Variants in UBE2S observed in about 807,000 individuals in gnomAD.
UBE2S encodes ubiquitin conjugating enzyme E2 S.
UBE2S carries 3 observed loss-of-function variants against 12.3 expected under a neutral mutation model. The ratio of observed to expected loss-of-function variants is 0.24; its 90% CI spans 0.11 to 0.63. The LOEUF is 0.63. UBE2S is among the 30% of genes least tolerant of loss of function. The pLI is 0.85. For synonymous variants in UBE2S, 133 were observed against 142.0 expected, an observed-to-expected ratio of 0.94 and a Z score of 0.45; for missense variants, 211 against 313.9, an observed-to-expected ratio of 0.67 and a Z score of 2.48.
At position 55,407,696 on chromosome 19, in the gene UBE2S, C is replaced by T. The variant is rs1024860091; in HGVS notation, c.-107G>A. On this transcript the variant is annotated 5_prime_UTR_variant, in exon 1 of 4. Transcript: ENST00000264552. ...GCTGCCGCTGCGGCCCTGGAGAGGC[C>T]CCGGCGGCCCCGCTCCGCTCCCCGC... The T allele has an allele frequency of 1.1e-4, 98 of 883,024 alleles. No homozygotes were observed. Among genetic ancestry groups the T allele is most frequent in the Non-Finnish European group, 1.4e-4 (96 of 663,200 alleles). 54.7% of individuals were successfully genotyped at this position (883,024 alleles called of 1,614,324 possible).
At position 55,406,941 on chromosome 19, in the gene UBE2S, G is replaced by C. The variant is rs1452269907; in HGVS notation, c.25C>G (p.Pro9Ala). The change falls in exon 2 of 4, where the codon CCC becomes GCC. Residue 9 changes from proline (P) to alanine (A), a missense_variant. Physicochemically the swap from Pro to Ala is conservative, Grantham distance 27. This residue lies in a region of UBE2S where 127 missense variants were observed against 224.0 expected (regional missense o/e 0.57). Coordinates refer to ENST00000264552, the MANE Select transcript of UBE2S (RefSeq NM_014501.3). ...TACACCAGGCGGATGATGTGCGGGG[G>C]TAGGTTCTCCACGTTGGAGTTCTGG... MNSNVENLPPHIIRLVYKE... is the reference protein window; with the variant it reads MNSNVENLAPHIIRLVYKE... The C allele has an allele frequency of 2.5e-6, 4 of 1,613,748 alleles. No individual in the cohort carries two copies. The African/African-American group carries it at 4.0e-5, about 16-fold the overall frequency.
At position 55,401,511 on chromosome 19, in the gene UBE2S, C is replaced by T. The variant is rs779350948; in HGVS notation, c.594G>A (p.Lys198=). Residue 198 remains lysine (K), a synonymous_variant, in exon 4 of 4, where the codon AAG becomes AAA. Coordinates refer to ENST00000264552, the MANE Select transcript of UBE2S (RefSeq NM_014501.3). The stretch of plus-strand genomic sequence containing the variant: ...GCTTCTTATCGCGCTCGCCAGCATG[C>T]TTCTTGGCCATGGGACCCTCAGCCC... ...PGGAEGPMAK[K]HAGERDKKLA... 1.2e-6 allele frequency: 2 copies of T among 1,610,252 alleles called. No individual in the cohort carries two copies. Among genetic ancestry groups the T allele is most frequent in the East Asian group, 2.2e-5 (1 of 44,850 alleles).
Position 55,400,364 on chromosome 19 carries a change from A to G in UBE2S, c.*1072T>C, listed in dbSNP as rs977832680. On this transcript the variant is annotated 3_prime_UTR_variant, in exon 4 of 4. Transcript: ENST00000264552. Reference sequence around the variant, plus strand: ...AATGAGACATTGGTCTAAATAACCTAAACGCATTAATAGAATGGGAAGTTT... The same window carrying G: ...AATGAGACATTGGTCTAAATAACCTGAACGCATTAATAGAATGGGAAGTTT... 1.3e-5 allele frequency: 2 copies of G among 152,160 alleles called. No homozygotes were observed. Among genetic ancestry groups the G allele is most frequent in the Non-Finnish European group, 2.9e-5 (2 of 68,032 alleles). The allele number at this position is 152,160 out of a possible 1,614,324, so 9.4% of individuals were successfully genotyped here.
rs2090061952 is a variant in UBE2S at position 55,401,850 on chromosome 19, G to A, written c.343-88C>T. 4 of 1,402,248 alleles carry A rather than the reference G, an allele frequency of 2.9e-6. No homozygotes were observed. In the Admixed American group the frequency reaches 7.5e-5, roughly 26 times the overall value. The allele number at this position is 1,402,248 out of a possible 1,614,324, so 86.9% of individuals were successfully genotyped here. ...CAAGAGGGTGGCCTCCGCACTGGCT[G>A]TTCCTTCTGCTCCCAACTCAGCTGC... On this transcript the variant is annotated intron_variant, in intron 3 of 3. Transcript: ENST00000264552.
chr19:55,401,086 A>G lies in UBE2S; in HGVS notation c.*350T>C, dbSNP rs560899600. The G allele has an allele frequency of 3.4e-6, 1 of 296,004 alleles. No homozygotes were observed. Among genetic ancestry groups the G allele is most frequent in the South Asian group, 5.1e-5 (1 of 19,678 alleles). The allele number at this position is 296,004 out of a possible 1,614,324, so 18.3% of individuals were successfully genotyped here. ...TTAGATTGGAAATCTGACTCCAAAGAGGGGTTGTGACCGCTCTACCTCCAC... is the reference window on the plus strand; with the variant it reads ...TTAGATTGGAAATCTGACTCCAAAGGGGGGTTGTGACCGCTCTACCTCCAC... On this transcript the variant is annotated 3_prime_UTR_variant, in exon 4 of 4. Coordinates refer to ENST00000264552, the MANE Select transcript of UBE2S (RefSeq NM_014501.3).
In UBE2S at chr19:55,404,061, C is replaced by T. The variant is rs1362871206; in HGVS notation, c.342+227G>A. On this transcript the variant is annotated intron_variant, in intron 3 of 3. Coordinates refer to ENST00000264552, the MANE Select transcript of UBE2S (RefSeq NM_014501.3). The surrounding 1 kb of genome is among the most constrained non-coding windows in gnomAD (Gnocchi z 4.4). ...AAACCATCCTACAATACAAACTCACCACTCGTTGCATAGTAAGGTGCTCCT... is the reference window on the plus strand; with the variant it reads ...AAACCATCCTACAATACAAACTCACTACTCGTTGCATAGTAAGGTGCTCCT... 2 of 554,126 alleles carry T rather than the reference C, an allele frequency of 3.6e-6. No homozygotes were observed. The highest frequency in any genetic ancestry group is 2.1e-5 in the South Asian group (1 of 48,080). The allele number at this position is 554,126 out of a possible 1,614,324, so 34.3% of individuals were successfully genotyped here. A position where few individuals can be genotyped will look rare whatever the true frequency, so the allele number is the denominator to read the frequency against.
chr19:55,402,956 T>C (rs1276093258), intron 3 of UBE2S: 4 of 1,532,998 alleles, frequency 2.6e-6, no homozygotes, highest in Non-Finnish European at 3.5e-6. Flanking sequence ...GCGGGAAGGG[T>C]TGGGAGGCAG....
Position 55,404,499 on chromosome 19 carries a change from C to G in UBE2S, c.152-21G>C, listed in dbSNP as rs545447340. ...CCCCTCTGGAGTGGAGGGAGGGGTA[C>G]AGGGTCAGGGCACTCAGGAGTCCCA... On this transcript the variant is annotated intron_variant, in intron 2 of 3. Coordinates refer to ENST00000264552, the MANE Select transcript of UBE2S (RefSeq NM_014501.3). This position sits in a 1 kb window ranked among gnomAD's most constrained non-coding sequence, Gnocchi z 4.4. 1.6e-5 allele frequency: 25 copies of G among 1,581,272 alleles called. No individual in the cohort carries two copies. In the Admixed American group the frequency reaches 3.0e-4, roughly 19 times the overall value.
At chr19:55,402,711 G>C (rs1334293889) in intron 3 of UBE2S, among the ~76,000 whole-genome samples, 2 of 152,214 alleles carry the variant, frequency 1.3e-5, no homozygotes, top group African/African-American at 4.8e-5. Context: ...GACAGGCCCA[G>C]ATGCTGACCT....
At chr19:55,403,492 CAAA>C in intron 3 of UBE2S, among the ~76,000 whole-genome samples, 1 of 145,208 alleles carries the variant, frequency 6.9e-6, no homozygotes, top group African/African-American at 2.6e-5. Flanking sequence ...ATCTTTAAAA[CAAA>C]AAGAAAGAAA....
At chr19:55,406,592 G>C (rs1456770050) in intron 2 of UBE2S, among the ~76,000 whole-genome samples, 2 of 152,106 alleles carry the variant, frequency 1.3e-5, no homozygotes, top group Non-Finnish European at 2.9e-5. Flanking sequence ...TTCAAATCTA[G>C]AGTACCGTCC....
At position 55,401,453 on chromosome 19, in the gene UBE2S, C is replaced by T; in HGVS notation, c.652G>A (p.Ala218Thr). 3 of 1,605,404 alleles carry T rather than the reference C, an allele frequency of 1.9e-6. No homozygotes were observed. The highest frequency in any genetic ancestry group is 2.5e-6 in the Non-Finnish European group (3 of 1,179,242). ...AGAGCCCACTACAGCCGCCGCAGCG[C>T]CCGCTTCTTGTCCGTCTTTTTCTTG... ...AAKKKTDKKR[A>T]LRRL Residue 218 changes from alanine to threonine, a missense_variant, in exon 4 of 4, where the codon GCG (alanine) becomes ACG (threonine). Physicochemically the swap from Ala to Thr is moderately conservative, Grantham distance 58 (BLOSUM62 0). Around this residue, in one of 2 missense-constraint regions of UBE2S, gnomAD observed 84 missense variants for 89.9 expected, o/e 0.93. Transcript: ENST00000264552.
Position 55,404,213 on chromosome 19 carries a change from A to G in UBE2S, c.342+75T>C, listed in dbSNP as rs182041350. On this transcript the variant is annotated intron_variant, in intron 3 of 3. Transcript: ENST00000264552. This position sits in a 1 kb window ranked among gnomAD's most constrained non-coding sequence, Gnocchi z 4.4. ...CAGAGTTGATTCAGAAAAACTAAAC[A>G]AAGCGCTATGGCTCAGACACCAGCA... 1.8e-4 allele frequency: 281 copies of G among 1,579,308 alleles called. 1 individual carries two copies. In the East Asian group the frequency reaches 5.4e-3, roughly 30 times the overall value.
At chr19:55,407,041 C>T in intron 1 of UBE2S, 79 bp from the exon 2 acceptor site, 2 of 1,532,048 alleles carry the variant, frequency 1.3e-6, no homozygotes, top group South Asian at 1.2e-5. Flanking sequence ...CTGAGACTGC[C>T]CAAGTCTTGA....
intron 2 of UBE2S, among the ~76,000 whole-genome samples, chr19:55,405,258 C>T (rs914305507): frequency 2.0e-5 from 3 of 147,574 alleles, no homozygotes; most frequent in African/African-American, 7.6e-5. Flanking sequence ...ACCTGTAATC[C>T]CAGCACTTTG....
In UBE2S at chr19:55,401,578, T is replaced by G. The variant is rs61748180; in HGVS notation, c.527A>C (p.Glu176Ala). The change falls in exon 4 of 4, where the codon GAA becomes GCA. Residue 176 changes from glutamate (E) to alanine (A), a missense_variant. Coordinates refer to ENST00000264552, the MANE Select transcript of UBE2S (RefSeq NM_014501.3). ...GGCCCCAGGGTCGGTGGAGGAAGCT[T>G]CAGTGCCACTGGCCAGGGCCCGACC... ...EAGRALASGT[E>A]ASSTDPGAPG... is the part of the protein sequence containing the mutation. 118,505 of 1,606,250 alleles carry G rather than the reference T, an allele frequency of 0.074. 4,972 individuals carry two copies. The highest frequency in any genetic ancestry group is 0.1 in the Middle Eastern group (465 of 4,590).
In UBE2S at chr19:55,401,344, G is replaced by A. The variant is rs186864699; in HGVS notation, c.*92C>T. On this transcript the variant is annotated 3_prime_UTR_variant, in exon 4 of 4. Coordinates refer to ENST00000264552, the MANE Select transcript of UBE2S (RefSeq NM_014501.3). ...TCCCAGTGCCCCCTGTACCCTCCCC[G>A]ACCCCAGCCATAATTTAAATAACTT... The A allele has an allele frequency of 2.9e-3, 2,958 of 1,005,538 alleles. 109 individuals carry two copies. The Admixed American group carries it at 0.063, about 21-fold the overall frequency. The allele number at this position is 1,005,538 out of a possible 1,614,324, so 62.3% of individuals were successfully genotyped here. A position where few individuals can be genotyped will look rare whatever the true frequency, so the allele number is the denominator to read the frequency against.
chr19:55,405,684 T>C (rs549861779), intron 2 of UBE2S, among the ~76,000 whole-genome samples: 1 of 152,236 alleles, frequency 6.6e-6, no homozygotes, highest in South Asian at 2.1e-4. Context: ...TCACAGGCCC[T>C]TCCCAGGTGG....
At position 55,401,100 on chromosome 19, in the gene UBE2S, C is replaced by T. The variant is rs1341904651; in HGVS notation, c.*336G>A. On this transcript the variant is annotated 3_prime_UTR_variant, in exon 4 of 4. Coordinates refer to ENST00000264552, the MANE Select transcript of UBE2S (RefSeq NM_014501.3). ...TGACTCCAAAGAGGGGTTGTGACCG[C>T]TCTACCTCCACAGAACAAAGAGGTG... is the stretch of plus-strand genomic sequence containing the variant. The T allele has an allele frequency of 2.8e-6, 1 of 350,972 alleles. No individual in the cohort carries two copies. Among genetic ancestry groups the T allele is most frequent in the East Asian group, 5.8e-5 (1 of 17,306 alleles). The allele number at this position is 350,972 out of a possible 1,614,324, so 21.7% of individuals were successfully genotyped here.
Sources: gnomAD v4.1 joint callset for allele counts (sites outside exome capture counted in the v4.1 genomes callset) on GRCh38, gnomAD v4.1.1 for gene constraint, gnomAD v4.1.1 regional missense constraint, Gnocchi (gnomAD v3.1) non-coding constraint, MANE v1.5 for transcripts, NCBI Gene and HGNC (gene_info 2026-07-23, HGNC 2026-07-21) for gene names.